The following CACNB4 variants were observed in gnomAD, a reference collection of about 807,000 sequenced individuals.
CACNB4 encodes voltage-dependent L-type calcium channel subunit beta-4.
CACNB4 carries 32 observed loss-of-function variants against 71.2 expected under a neutral mutation model. That is an observed-to-expected ratio of 0.45 (90% CI 0.34 to 0.60). The LOEUF is 0.60. Ranked by LOEUF, CACNB4 falls within the 20% of genes least tolerant of loss-of-function variation. The pLI, the probability that CACNB4 is intolerant of heterozygous loss-of-function variation, is 0.01. For missense variants in CACNB4, 464 were observed against 647.9 expected (o/e 0.72, Z 3.08); for synonymous variants, 231 against 236.9 (o/e 0.97, Z 0.23).
intron 12 of CACNB4, among the ~76,000 whole-genome samples, chr2:151,844,826 A>G (rs868502910): frequency 6.6e-6 from 1 of 152,238 alleles, no homozygotes; most frequent in Non-Finnish European, 1.5e-5. Flanking sequence ...CAAGTTCTAC[A>G]TTTTATGTGA....
intron 4 of CACNB4, among the ~76,000 whole-genome samples, chr2:151,879,345 G>C (rs542912456): frequency 6.6e-6 from 1 of 152,242 alleles, no homozygotes; most frequent in South Asian, 2.1e-4. Flanking sequence ...TGAATTTTTT[G>C]AGTTACTAGG....
intron 2 of CACNB4, among the ~76,000 whole-genome samples, chr2:152,021,275 T>C (rs1402246517): frequency 6.6e-6 from 1 of 152,086 alleles, no homozygotes; most frequent in African/African-American, 2.4e-5. Flanking sequence ...CTCTGAAACA[T>C]TAAAACAATT....
rs540711741 is a variant in CACNB4, at chr2:152,087,883, TA to T, written c.147+10446del. ...CTGGGTGACAGAGCGAGACCCTGTCTAAAAAAAGAAAGAGACAGAGAAAAAG... is the reference window on the plus strand; with the variant it reads ...CTGGGTGACAGAGCGAGACCCTGTCTAAAAAAGAAAGAGACAGAGAAAAAG... On this transcript the variant is annotated intron_variant, in intron 2 of 13. Coordinates refer to ENST00000539935, the MANE Select transcript of CACNB4 (RefSeq NM_000726.5). 2.6e-5 allele frequency among the ~76,000 whole-genome samples: 4 copies of T among 151,804 alleles called. No homozygotes were observed. The East Asian group carries it at 7.7e-4, about 29-fold the overall frequency.
chr2:151,875,609 C>G (rs1355936385), intron 5 of CACNB4, among the ~76,000 whole-genome samples: 65 of 128,376 alleles, frequency 5.1e-4, no homozygotes, highest in African/African-American at 1.8e-3. Context: ...CGGGGCGGCT[C>G]GCCAGGCAGG....
At chr2:152,059,421 T>A (rs1347299627) in intron 2 of CACNB4, among the ~76,000 whole-genome samples, 1 of 152,236 alleles carries the variant, frequency 6.6e-6, no homozygotes, top group Non-Finnish European at 1.5e-5. Context: ...TGCAATAATA[T>A]CACCTGGATG....
At chr2:151,896,018 G>A (rs925326871) in intron 2 of CACNB4, among the ~76,000 whole-genome samples, 1 of 151,922 alleles carries the variant, frequency 6.6e-6, no homozygotes, top group Non-Finnish European at 1.5e-5. Context: ...CTAATTTTTT[G>A]TATTTTTTGT....
chr2:152,021,034 C>T (rs1683633282), intron 2 of CACNB4, among the ~76,000 whole-genome samples: 1 of 152,074 alleles, frequency 6.6e-6, no homozygotes, highest in African/African-American at 2.4e-5. Context: ...GGGTGGATCA[C>T]GAGGTCAGGA....
intron 2 of CACNB4, among the ~76,000 whole-genome samples, chr2:151,995,127 A>G (rs1437775375): frequency 6.6e-6 from 1 of 152,226 alleles, no homozygotes; most frequent in Admixed American, 6.5e-5. Flanking sequence ...GTTGGCAAAT[A>G]TAAGTGCCAA....
intron 2 of CACNB4, among the ~76,000 whole-genome samples, chr2:152,091,888 T>C (rs1336865971): frequency 6.6e-6 from 1 of 152,220 alleles, no homozygotes; most frequent in Non-Finnish European, 1.5e-5. Flanking sequence ...CATGATAGAA[T>C]TGGGAAGAAA....
At chr2:151,906,904 G>T (rs1202620876) in intron 2 of CACNB4, among the ~76,000 whole-genome samples, 3 of 152,136 alleles carry the variant, frequency 2.0e-5, no homozygotes, top group Non-Finnish European at 4.4e-5. Context: ...CCTTTAGGAT[G>T]TTTTTTCTGA....
chr2:152,043,435 C>T (rs1684977796), intron 2 of CACNB4, among the ~76,000 whole-genome samples: 1 of 152,144 alleles, frequency 6.6e-6, no homozygotes, highest in Admixed American at 6.5e-5. Flanking sequence ...GATCCTCCCA[C>T]CTTAGCCTCC....
intron 2 of CACNB4, among the ~76,000 whole-genome samples, chr2:152,075,137 AT>A (rs1196012177): frequency 6.6e-6 from 1 of 152,184 alleles, no homozygotes. Context: ...ATATTATTTC[AT>A]TTTTCAAAAT....
intron 2 of CACNB4, among the ~76,000 whole-genome samples, chr2:151,977,728 C>T (rs1016339884): frequency 6.6e-6 from 1 of 152,114 alleles, no homozygotes; most frequent in Non-Finnish European, 1.5e-5. Flanking sequence ...CTAAATTTCT[C>T]GGGAATTTAA....
intron 2 of CACNB4, among the ~76,000 whole-genome samples, chr2:152,024,792 A>G (rs540862412): frequency 6.6e-4 from 100 of 152,280 alleles, no homozygotes; most frequent in African/African-American, 2.3e-3. Context: ...GTGGTGGCTC[A>G]CGCCTGTAAT....
At chr2:151,866,905 T>G (rs1201386191) in intron 9 of CACNB4, 1 of 150,510 alleles carries the variant, frequency 6.6e-6, no homozygotes, top group East Asian at 2.4e-4. Context: ...CAATTTCTAT[T>G]AAAACCAACT....
chr2:152,098,564 G>GCCCCCCCCCCCCCCCCCC lies in CACNB4; in HGVS notation c.64-152_64-151insGGGGGGGGGGGGGGGGGG. On this transcript the variant is annotated intron_variant, in intron 1 of 13. Coordinates refer to ENST00000539935, the MANE Select transcript of CACNB4 (RefSeq NM_000726.5). This position sits in a 1 kb window ranked among gnomAD's most constrained non-coding sequence, Gnocchi z 5.3. ...GTCTCCTCCGCGACTCCCAAATACA[G>GCCCCCCCCCCCCCCCCCC]CCCCCACCCCCACCCACCCACTGCA... 3.2e-6 allele frequency: 3 copies of GCCCCCCCCCCCCCCCCCC among 931,256 alleles called. No individual in the cohort carries two copies. Among genetic ancestry groups the GCCCCCCCCCCCCCCCCCC allele is most frequent in the African/African-American group, 1.6e-5 (1 of 61,084 alleles). The allele number at this position is 931,256 out of a possible 1,614,324, so 57.7% of individuals were successfully genotyped here.
chr2:151,876,708 T>C (rs1020825460), intron 4 of CACNB4, among the ~76,000 whole-genome samples, 152 bp from the exon 5 acceptor site: 2 of 136,288 alleles, frequency 1.5e-5, no homozygotes, highest in Non-Finnish European at 3.2e-5. Context: ...TATGTGTGTA[T>C]ACTATATTTT....
At chr2:152,017,784 G>A (rs1276020965) in intron 2 of CACNB4, among the ~76,000 whole-genome samples, 1 of 151,462 alleles carries the variant, frequency 6.6e-6, no homozygotes. Flanking sequence ...GTATTCCTTA[G>A]AATTTCCTCA....
chr2:152,059,124 G>A (rs1245184111), intron 2 of CACNB4, among the ~76,000 whole-genome samples: 1 of 152,230 alleles, frequency 6.6e-6, no homozygotes, highest in Non-Finnish European at 1.5e-5. Flanking sequence ...TGCAGGAGTG[G>A]AGCCCTCATG....
Sources: gnomAD v4.1 joint callset for allele counts (sites outside exome capture counted in the v4.1 genomes callset) on GRCh38, gnomAD v4.1.1 for gene constraint, Gnocchi (gnomAD v3.1) non-coding constraint, MANE v1.5 for transcripts, NCBI Gene and HGNC (gene_info 2026-07-23, HGNC 2026-07-21) for gene names.